Variants in ARHGAP29 observed in about 807,000 individuals in gnomAD.
ARHGAP29 encodes rho GTPase-activating protein 29.
In ARHGAP29, 43 loss-of-function variants were observed where a neutral mutation model predicts 122.6. The ratio of observed to expected loss-of-function variants is 0.35; its 90% CI spans 0.27 to 0.45. The LOEUF (loss-of-function observed/expected upper bound fraction) is 0.45, where lower values mean the gene tolerates loss of function less well. ARHGAP29 is among the 20% of genes least tolerant of loss of function. ARHGAP29 has a pLI of 1.00. For synonymous variants in ARHGAP29, 506 were observed against 497.1 expected, an observed-to-expected ratio of 1.02 and a Z score of -0.24; for missense variants, 1,303 against 1,477.2, an observed-to-expected ratio of 0.88 and a Z score of 1.93.
Position 94,174,730 on chromosome 1 carries a change from T to A in ARHGAP29, c.2925A>T (p.Leu975=), listed in dbSNP as rs1239176814. The A allele has an allele frequency of 1.2e-6, 2 of 1,613,708 alleles. No homozygotes were observed. Among genetic ancestry groups the A allele is most frequent in the South Asian group, 2.2e-5 (2 of 91,008 alleles). ...ACLSDKAQLL[L]DQEAESASQK... ...GGGATGCTGATTCAGCCTCTTGGTCTAGAAGCAACTGTGCTTTGTCTGAAA... is the reference window on the plus strand; with the variant it reads ...GGGATGCTGATTCAGCCTCTTGGTCAAGAAGCAACTGTGCTTTGTCTGAAA... Residue 975 remains leucine, a synonymous_variant, in exon 23 of 23, where the codon CTA becomes CTT. Transcript: ENST00000260526.
chr1:94,202,686 T>A lies in ARHGAP29; in HGVS notation c.1001A>T (p.Gln334Leu). 1 of 1,614,166 alleles carries A rather than the reference T, an allele frequency of 6.2e-7. No individual in the cohort carries two copies. The highest frequency in any genetic ancestry group is 8.5e-7 in the Non-Finnish European group (1 of 1,180,030). ...ALKKAKLLCM[Q>L]RQDEYEKAKS... is the part of the protein sequence containing the mutation. ...TGCTTTCTCATATTCATCTTGACGT[T>A]GCATGCATAATAATTTTGCCTTTTT... Residue 334 changes from glutamine (Q) to leucine (L), a missense_variant, in exon 11 of 23, where the codon CAA becomes CTA. Transcript: ENST00000260526.
chr1:94,303,222 C>G, the ARHGAP29 span, among the ~76,000 whole-genome samples: 1 of 151,676 alleles, frequency 6.6e-6, no homozygotes, highest in African/African-American at 2.4e-5. Context: ...TCCCGTGTAC[C>G]CAGCCAAAAA....
chr1:94,311,929 C>A, the ARHGAP29 span, among the ~76,000 whole-genome samples: 5 of 152,160 alleles, frequency 3.3e-5, no homozygotes, highest in African/African-American at 1.2e-4. Flanking sequence ...CTTCTTCCGC[C>A]ATGCAATGAC....
chr1:94,231,578 TTTTC>T lies in ARHGAP29; in HGVS notation c.30_33del (p.Lys11AsnfsTer23). The T allele has an allele frequency of 6.2e-7, 1 of 1,613,682 alleles. No homozygotes were observed. Among genetic ancestry groups the T allele is most frequent in the Non-Finnish European group, 8.5e-7 (1 of 1,179,726 alleles). ...AGTTGACCTGATGCCCAAGCACGTTTTTTCTTTGTCTTTTTCTGTTTGTGAGCAA... is the reference window on the plus strand; with the variant it reads ...AGTTGACCTGATGCCCAAGCACGTTTTTTGTCTTTTTCTGTTTGTGAGCAA... On this transcript the variant is annotated frameshift_variant, in exon 2 of 23. Transcript: ENST00000260526. LOFTEE classifies it high-confidence loss of function.
Position 94,174,258 on chromosome 1 carries a change from T to C in ARHGAP29, c.3397A>G (p.Arg1133Gly). 2 of 1,614,232 alleles carry C rather than the reference T, an allele frequency of 1.2e-6. No homozygotes were observed. Among genetic ancestry groups the C allele is most frequent in the Non-Finnish European group, 1.7e-6 (2 of 1,180,048 alleles). Residue 1133 changes from arginine to glycine, a missense_variant, in exon 23 of 23, where the codon AGG becomes GGG. Physicochemically the swap from Arg to Gly is moderately radical, Grantham distance 125. Around this residue, in one of 3 missense-constraint regions of ARHGAP29, gnomAD observed 620 missense variants for 651.2 expected, o/e 0.95. Transcript: ENST00000260526. Reference sequence around the variant, plus strand: ...CTCTCAGATGCCTCTCTCACTGACCTGACTGGCTCTGCATATGGCTTACTG... The same window carrying C: ...CTCTCAGATGCCTCTCTCACTGACCCGACTGGCTCTGCATATGGCTTACTG... ...QPSKPYAEPV[R>G]SVREASERRS...
the ARHGAP29 span, among the ~76,000 whole-genome samples, chr1:94,313,789 T>C: frequency 6.6e-6 from 1 of 152,204 alleles, no homozygotes; most frequent in Non-Finnish European, 1.5e-5. Flanking sequence ...TGGAATATTA[T>C]GCAGCCTTAA....
the ARHGAP29 span, among the ~76,000 whole-genome samples, chr1:94,301,499 T>C: frequency 6.6e-6 from 1 of 152,178 alleles, no homozygotes; most frequent in Admixed American, 6.5e-5. Context: ...AGGACTCTGA[T>C]TGCACCCATG....
At position 94,266,764 on chromosome 1, in the gene ARHGAP29, C is replaced by T. The variant is rs375495332; in HGVS notation, c.-33+8248G>A. Among the ~76,000 whole-genome samples, 28 of 152,288 alleles carry T rather than the reference C, an allele frequency of 1.8e-4. No individual in the cohort carries two copies. In the South Asian group the frequency reaches 3.3e-3, roughly 18 times the overall value. Reference sequence around the variant, plus strand: ...CCTCTCTAGCACTGAAGTTTTCCATCCTAAGTGACTTGAATCAAACTTTCT... The same window carrying T: ...CCTCTCTAGCACTGAAGTTTTCCATTCTAAGTGACTTGAATCAAACTTTCT... On this transcript the variant is annotated intron_variant and NMD_transcript_variant, in intron 1 of 25. Coordinates refer to the ARHGAP29 transcript ENST00000552844.
chr1:94,255,649 G>T (rs1438418032), intron 1 of ARHGAP29, among the ~76,000 whole-genome samples: 1 of 152,198 alleles, frequency 6.6e-6, no homozygotes, highest in Non-Finnish European at 1.5e-5. Flanking sequence ...TCTGGGGTGT[G>T]GCCCAGGATA....
At chr1:94,212,428 A>G (rs1003979213) in intron 3 of ARHGAP29, among the ~76,000 whole-genome samples, 20 of 152,222 alleles carry the variant, frequency 1.3e-4, no homozygotes, top group African/African-American at 4.3e-4. Flanking sequence ...TCGTACCTCA[A>G]TAAAGCTGTT....
the ARHGAP29 span, chr1:94,302,711 G>A: frequency 4.9e-6 from 2 of 411,676 alleles, no homozygotes; most frequent in Non-Finnish European, 9.7e-6. Context: ...TCAGTGGTGT[G>A]GCCTTCCATG....
the ARHGAP29 span, among the ~76,000 whole-genome samples, chr1:94,300,526 C>A: frequency 2.0e-5 from 3 of 152,136 alleles, no homozygotes; most frequent in African/African-American, 4.8e-5. Context: ...AGAAGCTATC[C>A]CTTAATCATC....
chr1:94,254,579 C>G (rs1159664973), intron 1 of ARHGAP29, among the ~76,000 whole-genome samples: 1 of 152,084 alleles, frequency 6.6e-6, no homozygotes, highest in Non-Finnish European at 1.5e-5. Context: ...TGGGTAATGA[C>G]TAAGAACCAA....
chr1:94,280,091 T>C, the ARHGAP29 span, among the ~76,000 whole-genome samples: 1 of 152,144 alleles, frequency 6.6e-6, no homozygotes, highest in East Asian at 1.9e-4. Context: ...ATATTTATCA[T>C]TTAACCACTT....
intron 1 of ARHGAP29, among the ~76,000 whole-genome samples, chr1:94,234,616 T>C (rs1432775283): frequency 6.6e-6 from 1 of 152,198 alleles, no homozygotes; most frequent in Non-Finnish European, 1.5e-5. Flanking sequence ...CTAACATTAA[T>C]CCTTATATGC....
At chr1:94,275,607 C>A (rs1293319051), upstream of ARHGAP29, among the ~76,000 whole-genome samples, 1 of 152,102 alleles carries the variant, frequency 6.6e-6, no homozygotes, top group Non-Finnish European at 1.5e-5. Context: ...CCTTCAGGTT[C>A]AGGACAGGTG....
chr1:94,309,241 T>G, the ARHGAP29 span, among the ~76,000 whole-genome samples: 3 of 152,256 alleles, frequency 2.0e-5, no homozygotes, highest in African/African-American at 7.2e-5. Flanking sequence ...TATTTCCATT[T>G]GATAGATGAG....
At position 94,169,750 on chromosome 1, in the gene ARHGAP29, C is replaced by CT. The variant is rs1471663445; in HGVS notation, c.*4118dup. On this transcript the variant is annotated 3_prime_UTR_variant, in exon 23 of 23. Transcript: ENST00000260526. ...GGCTCCTTGGAAAAAAGGGCTAATTCTAGACTTGGGGTAGGGAGTAGGAAA... is the reference window on the plus strand; with the variant it reads ...GGCTCCTTGGAAAAAAGGGCTAATTCTTAGACTTGGGGTAGGGAGTAGGAAA... 2.0e-5 allele frequency among the ~76,000 whole-genome samples: 3 copies of CT among 151,868 alleles called. No individual in the cohort carries two copies. The highest frequency in any genetic ancestry group is 7.3e-5 in the African/African-American group (3 of 41,330).
chr1:94,237,590 C>CGCCACCGCCCCTGCA, upstream of ARHGAP29: 1 of 989,196 alleles, frequency 1.0e-6, no homozygotes, highest in South Asian at 4.5e-5. Flanking sequence ...CCACTGCAGC[C>CGCCACCGCCCCTGCA]GCCACCGCCC....
Sources: allele counts gnomAD v4.1 joint callset (sites outside exome capture counted in the v4.1 genomes callset), GRCh38; gene constraint gnomAD v4.1.1; regional missense constraint gnomAD v4.1.1; transcripts MANE v1.5; gene names NCBI Gene and HGNC (gene_info 2026-07-23, HGNC 2026-07-21).